Variants in STPG2 observed in about 807,000 individuals in gnomAD.
STPG2 encodes sperm-tail PG-rich repeat-containing protein 2.
Under a neutral mutation model 54.2 loss-of-function variants are expected in STPG2, and 56 were observed. The ratio of observed to expected loss-of-function variants is 1.03; its 90% confidence interval spans 0.83 to 1.29. The LOEUF (loss-of-function observed/expected upper bound fraction) is 1.29. STPG2 is among the 50% of genes most tolerant of loss of function. The pLI is 0.00. For missense variants in STPG2, 596 were observed against 544.9 expected, an observed-to-expected ratio of 1.09 and a Z score of -0.93; for synonymous variants, 200 against 181.8, an observed-to-expected ratio of 1.10 and a Z score of -0.81.
At chr4:97,837,393 T>G (rs910386109) in intron 9 of STPG2, among the ~76,000 whole-genome samples, 1 of 151,742 alleles carries the variant, frequency 6.6e-6, no homozygotes, top group African/African-American at 2.4e-5. Flanking sequence ...TTTTTAAATT[T>G]GTTGAGCATA....
chr4:97,665,726 C>T (rs114701531), intron 10 of STPG2, among the ~76,000 whole-genome samples: 2,305 of 152,196 alleles, frequency 0.015, 58 homozygotes, highest in African/African-American at 0.053. Flanking sequence ...GCTGTTCATG[C>T]GGAGGGGTAC....
intron 5 of STPG2, among the ~76,000 whole-genome samples, chr4:97,991,891 C>T (rs1194804755): frequency 6.6e-6 from 1 of 151,838 alleles, no homozygotes; most frequent in African/African-American, 2.4e-5. Context: ...TTTGTTGGCC[C>T]TTTGTATATC....
At chr4:97,968,164 A>G (rs1386326875) in intron 7 of STPG2, among the ~76,000 whole-genome samples, 1 of 152,214 alleles carries the variant, frequency 6.6e-6, no homozygotes, top group Non-Finnish European at 1.5e-5. Flanking sequence ...GCAATAAAAA[A>G]TGATAAAAGG....
Position 97,877,690 on chromosome 4 carries a change from C to T in STPG2, c.1045-36758G>A, listed in dbSNP as rs111675630. Among the ~76,000 whole-genome samples the T allele has an allele frequency of 3.5e-3, 537 of 152,190 alleles. 4 individuals are homozygous for T. The highest frequency in any genetic ancestry group is 0.012 in the African/African-American group (514 of 41,530). On this transcript the variant is annotated intron_variant, in intron 8 of 10. Coordinates refer to ENST00000295268, the MANE Select transcript of STPG2 (RefSeq NM_174952.3). ...TCCCTCCCACAACATGGGGGAATTA[C>T]GGGAGCTACAATTCAAGATGGGATT...
downstream of STPG2, among the ~76,000 whole-genome samples, chr4:97,556,363 C>T (rs1732078024): frequency 6.6e-6 from 1 of 152,116 alleles, no homozygotes; most frequent in Non-Finnish European, 1.5e-5. Flanking sequence ...GATCCAATTC[C>T]ATCCTTCAGA....
intron 10 of STPG2, among the ~76,000 whole-genome samples, chr4:97,624,862 G>A (rs1969152): frequency 0.49 from 73,716 of 151,952 alleles, 19,881 homozygotes; most frequent in South Asian, 0.65. Flanking sequence ...TCCCAGCACC[G>A]TTTATTAAAT....
At chr4:97,789,806 A>G (rs899844893) in intron 9 of STPG2, among the ~76,000 whole-genome samples, 5 of 152,184 alleles carry the variant, frequency 3.3e-5, no homozygotes, top group African/African-American at 1.2e-4. Flanking sequence ...CTTACTGTAC[A>G]AAGCGGGCTA....
chr4:97,668,692 A>G lies in STPG2; in HGVS notation c.1320+44007T>C, dbSNP rs149435464. Among the ~76,000 whole-genome samples the G allele has an allele frequency of 2.5e-3, 374 of 151,988 alleles. 1 individual carries two copies. Among genetic ancestry groups the G allele is most frequent in the Non-Finnish European group, 4.3e-3 (289 of 67,906 alleles). On this transcript the variant is annotated intron_variant, in intron 10 of 10. Transcript: ENST00000295268. ...GGGAGGGAGGGAGGGAGGAAGAAAG[A>G]AGAAAAGAAAAACAAAAGAAAAGAA...
chr4:98,020,912 CTTCT>C (rs1736162210), intron 5 of STPG2, among the ~76,000 whole-genome samples: 1 of 151,822 alleles, frequency 6.6e-6, no homozygotes, highest in Non-Finnish European at 1.5e-5. Flanking sequence ...TCTCTCTTTT[CTTCT>C]TTATTAGTCT....
rs147174703 is a variant in STPG2, at chr4:97,873,036, C to T, written c.1045-32104G>A. Among the ~76,000 whole-genome samples, 9 of 151,296 alleles carry T rather than the reference C, an allele frequency of 5.9e-5. No homozygotes were observed. The East Asian group carries it at 1.2e-3, about 20-fold the overall frequency. On this transcript the variant is annotated intron_variant, in intron 8 of 10. Transcript: ENST00000295268. Reference sequence around the variant, plus strand: ...TAGGTATGTTCATTGCTACTGGGACCCTTTCAGCACACAGAGCTAGGAAAA... The same window carrying T: ...TAGGTATGTTCATTGCTACTGGGACTCTTTCAGCACACAGAGCTAGGAAAA...
intron 4 of STPG2, among the ~76,000 whole-genome samples, chr4:97,467,041 A>G (rs1729804652): frequency 6.6e-6 from 1 of 151,996 alleles, no homozygotes; most frequent in Non-Finnish European, 1.5e-5. Flanking sequence ...ACAACATTCA[A>G]AAGAAATACT....
At chr4:97,641,764 A>G (rs1721772998) in intron 10 of STPG2, among the ~76,000 whole-genome samples, 1 of 151,514 alleles carries the variant, frequency 6.6e-6, no homozygotes. Context: ...GATGTCTTTT[A>G]AACAATATTT....
At chr4:97,963,083 C>T (rs143092963) in intron 7 of STPG2, among the ~76,000 whole-genome samples, 4,604 of 152,154 alleles carry the variant, frequency 0.03, 107 homozygotes, top group Non-Finnish European at 0.047. Flanking sequence ...TGCTTGAACC[C>T]GGGAGGCAGA....
chr4:97,912,268 A>G (rs186782664), intron 8 of STPG2, among the ~76,000 whole-genome samples: 6 of 152,350 alleles, frequency 3.9e-5, no homozygotes, highest in African/African-American at 1.4e-4. Context: ...CTATTCTTCA[A>G]ATGATCACAA....
At chr4:97,861,122 C>T (rs1729517690) in intron 8 of STPG2, among the ~76,000 whole-genome samples, 1 of 152,088 alleles carries the variant, frequency 6.6e-6, no homozygotes, top group African/African-American at 2.4e-5. Context: ...TAACCAGATA[C>T]AGGACCTCAA....
At chr4:97,649,687 C>T (rs1722010432) in intron 10 of STPG2, among the ~76,000 whole-genome samples, 1 of 151,928 alleles carries the variant, frequency 6.6e-6, no homozygotes, top group African/African-American at 2.4e-5. Flanking sequence ...ACCAAGGTAA[C>T]CATTTGAAAT....
intron 5 of STPG2, among the ~76,000 whole-genome samples, chr4:98,040,098 C>G: frequency 6.6e-6 from 1 of 151,550 alleles, no homozygotes; most frequent in Non-Finnish European, 1.5e-5. Context: ...TTTTTCATAT[C>G]TTTGTTGGCC....
intron 10 of STPG2, among the ~76,000 whole-genome samples, chr4:97,636,555 T>C (rs1360951626): frequency 3.3e-5 from 5 of 149,874 alleles, no homozygotes; most frequent in Non-Finnish European, 5.9e-5. Context: ...ATCCAGGAGC[T>C]GGTTTTTTGA....
chr4:98,032,434 G>A (rs375445336), intron 5 of STPG2, among the ~76,000 whole-genome samples: 39 of 151,822 alleles, frequency 2.6e-4, no homozygotes, highest in African/African-American at 8.0e-4. Context: ...TAAAAATCAC[G>A]AGATACCATC....
Sources: gnomAD v4.1 joint callset for allele counts (sites outside exome capture counted in the v4.1 genomes callset) on GRCh38, gnomAD v4.1.1 for gene constraint, MANE v1.5 for transcripts, NCBI Gene and HGNC (gene_info 2026-07-23, HGNC 2026-07-21) for gene names.